Variants in SEMA4D observed in about 807,000 individuals in gnomAD.
SEMA4D encodes semaphorin 4D.
A neutral mutation model predicts 74.8 loss-of-function variants in SEMA4D; 22 were observed. The ratio of observed to expected loss-of-function variants is 0.29; its 90% CI spans 0.21 to 0.42. The LOEUF (loss-of-function observed/expected upper bound fraction) is 0.42. Among genes scored for constraint, SEMA4D ranks in the 10% least tolerant of loss-of-function variants. The pLI is 1.00. For missense variants in SEMA4D, 937 were observed against 1,118.4 expected, an observed-to-expected ratio of 0.84 and a Z score of 2.31; for synonymous variants, 445 against 463.7, an observed-to-expected ratio of 0.96 and a Z score of 0.52.
intron 2 of SEMA4D, among the ~76,000 whole-genome samples, chr9:89,447,808 G>A (rs909604708): frequency 2.7e-5 from 4 of 147,942 alleles, no homozygotes; most frequent in African/African-American, 7.5e-5. Flanking sequence ...AGTGCTCCCT[G>A]GACACCCAAG....
intron 6 of SEMA4D, among the ~76,000 whole-genome samples, chr9:89,395,057 A>G (rs904108266): frequency 6.6e-6 from 1 of 152,174 alleles, no homozygotes; most frequent in East Asian, 1.9e-4. Context: ...CACACTCCCA[A>G]TTGTGCAATC....
At chr9:89,448,460 C>A (rs1853519300) in intron 2 of SEMA4D, among the ~76,000 whole-genome samples, 1 of 152,220 alleles carries the variant, frequency 6.6e-6, no homozygotes, top group African/African-American at 2.4e-5. Flanking sequence ...AGGACCCACC[C>A]TCCCCTGGGC....
At chr9:89,399,213 G>T in intron 5 of SEMA4D, 63 bp downstream of exon 5, 2 of 1,382,838 alleles carry the variant, frequency 1.4e-6, no homozygotes, top group Non-Finnish European at 1.0e-6. Context: ...CTGGCATTCA[G>T]TAGATTAAAA....
chr9:89,420,925 C>T (rs1385973407), intron 2 of SEMA4D, among the ~76,000 whole-genome samples: 2 of 152,238 alleles, frequency 1.3e-5, no homozygotes, highest in Non-Finnish European at 1.5e-5. Flanking sequence ...GCTGTTTAAG[C>T]ACTGGGAGGC....
In SEMA4D at chr9:89,392,079, C is replaced by A. The variant is rs139976309; in HGVS notation, c.622+344G>T. Among the ~76,000 whole-genome samples the A allele has an allele frequency of 2.6e-5, 4 of 152,320 alleles. No individual in the cohort carries two copies. The East Asian group carries it at 7.7e-4, about 29-fold the overall frequency. On this transcript the variant is annotated intron_variant, in intron 8 of 15. Transcript: ENST00000422704. Reference sequence around the variant, plus strand: ...GGCAGGTCCCACACCAGTGTTGGTGCCACACTTTAATATCATTCTGGAAAT... The same window carrying A: ...GGCAGGTCCCACACCAGTGTTGGTGACACACTTTAATATCATTCTGGAAAT...
At chr9:89,487,158 T>C (rs1384056518) in intron 1 of SEMA4D, among the ~76,000 whole-genome samples, 1 of 149,158 alleles carries the variant, frequency 6.7e-6, no homozygotes, top group Non-Finnish European at 1.5e-5. Context: ...ATATATATAA[T>C]ATATAAAACA....
At chr9:89,418,436 G>A (rs1846168835) in intron 2 of SEMA4D, 1 of 985,234 alleles carries the variant, frequency 1.0e-6, no homozygotes, top group Non-Finnish European at 1.2e-6. Context: ...AGTTAGCAGA[G>A]TCTGTGAACC....
At chr9:89,444,517 G>C (rs1852383958) in intron 2 of SEMA4D, among the ~76,000 whole-genome samples, 1 of 152,172 alleles carries the variant, frequency 6.6e-6, no homozygotes, top group Non-Finnish European at 1.5e-5. Context: ...CAGTTTACAT[G>C]AGACCCTAAC....
chr9:89,369,343 T>A (rs1452445020), intron 16 of SEMA4D: 1 of 152,202 alleles, frequency 6.6e-6, no homozygotes, highest in Non-Finnish European at 1.5e-5. Flanking sequence ...AACACTGTAG[T>A]TAAAACATAA....
rs1277329307 is a variant in SEMA4D, at chr9:89,388,767, A to T, written c.976T>A (p.Cys326Ser). ...TCGGCTGTGGACAGGTTGTAGGCGCACACTGCCGACAGCCCCACGTTGTTC... is the reference window on the plus strand; with the variant it reads ...TCGGCTGTGGACAGGTTGTAGGCGCTCACTGCCGACAGCCCCACGTTGTTC... ...QLNNVGLSAV[C>S]AYNLSTAEEV... Residue 326 changes from cysteine (C) to serine (S), a missense_variant, in exon 11 of 16, where the codon TGC becomes AGC. Coordinates refer to ENST00000422704, the MANE Select transcript of SEMA4D (RefSeq NM_001371194.2). The T allele has an allele frequency of 1.2e-6, 2 of 1,607,240 alleles. No individual in the cohort carries two copies. Among genetic ancestry groups the T allele is most frequent in the African/African-American group, 2.7e-5 (2 of 74,754 alleles).
chr9:89,487,691 T>C (rs904985205), intron 1 of SEMA4D, among the ~76,000 whole-genome samples: 1 of 152,064 alleles, frequency 6.6e-6, no homozygotes, highest in Non-Finnish European at 1.5e-5. Context: ...AAACAAAAAA[T>C]AGAAAAAATC....
rs539881753 is a variant in SEMA4D at position 89,496,795 on chromosome 9, G to C, written c.-310+1124C>G. On this transcript the variant is annotated intron_variant, in intron 1 of 15. Coordinates refer to ENST00000422704, the MANE Select transcript of SEMA4D (RefSeq NM_001371194.2). ...GCCAGCAGGCAGGCCCCAGGCCTAG[G>C]ACACATATGAGGTGACAGGCCACTG... Among the ~76,000 whole-genome samples, 106 of 152,174 alleles carry C rather than the reference G, an allele frequency of 7.0e-4. 1 individual carries two copies. Among genetic ancestry groups the C allele is most frequent in the Admixed American group, 2.0e-4 (3 of 15,286 alleles).
chr9:89,362,468 G>A, intron 18 of SEMA4D: 1 of 1,613,986 alleles, frequency 6.2e-7, no homozygotes, highest in Non-Finnish European at 8.5e-7. Flanking sequence ...TGGTGGAACG[G>A]ATGGGCCTTT....
Position 89,379,752 on chromosome 9 carries a change from G to A in SEMA4D, c.1664-123C>T. The A allele has an allele frequency of 7.7e-6, 9 of 1,165,426 alleles. No homozygotes were observed. The South Asian group carries it at 1.4e-4, about 18-fold the overall frequency. The allele number at this position is 1,165,426 out of a possible 1,614,324, so 72.2% of individuals were successfully genotyped here. A position where few individuals can be genotyped will look rare whatever the true frequency, so the allele number is the denominator to read the frequency against. On this transcript the variant is annotated intron_variant, in intron 15 of 15. Transcript: ENST00000422704. ...CACTGTAGCAACATGGAATCTTCCA[G>A]AACAACTAAGGAGATAAAGACATGC...
In SEMA4D at chr9:89,455,877, C is replaced by T. The variant is rs1003506889; in HGVS notation, c.-244+11G>A. 1 of 152,252 alleles carries T rather than the reference C, an allele frequency of 6.6e-6. No homozygotes were observed. Among genetic ancestry groups the T allele is most frequent in the Non-Finnish European group, 1.5e-5 (1 of 68,040 alleles). The allele number at this position is 152,252 out of a possible 1,614,324, so 9.4% of individuals were successfully genotyped here. A position where few individuals can be genotyped will look rare whatever the true frequency, so the allele number is the denominator to read the frequency against. ...TGGCTCTCAGGCAGACGCCGAGACG[C>T]CGACACTTACCAAACCATCAGTGTC... On this transcript the variant is annotated intron_variant, in intron 2 of 15. Coordinates refer to ENST00000422704, the MANE Select transcript of SEMA4D (RefSeq NM_001371194.2).
intron 2 of SEMA4D, among the ~76,000 whole-genome samples, chr9:89,455,440 C>T (rs1855705668): frequency 1.3e-5 from 2 of 152,188 alleles, no homozygotes; most frequent in Non-Finnish European, 2.9e-5. Flanking sequence ...CCCGAAGACC[C>T]CTAGGGTCGG....
At chr9:89,477,431 T>C (rs1279862527) in intron 1 of SEMA4D, among the ~76,000 whole-genome samples, 3 of 152,140 alleles carry the variant, frequency 2.0e-5, no homozygotes, top group Admixed American at 2.0e-4. Flanking sequence ...AAGAGTAATG[T>C]ACACCAAGGA....
intron 1 of SEMA4D, among the ~76,000 whole-genome samples, chr9:89,491,326 T>C (rs1825605533): frequency 6.6e-6 from 1 of 152,018 alleles, no homozygotes; most frequent in Admixed American, 6.5e-5. Context: ...TCCCAGCACT[T>C]TGGGAGGCCG....
At position 89,362,503 on chromosome 9, in the gene SEMA4D, CAT is replaced by C. The variant is rs1242158490; in HGVS notation, c.2191-77_2191-76del. On this transcript the variant is annotated intron_variant, in intron 18 of 18. Transcript: ENST00000339861. ...TCCTGCTCTGCAGCCCAGTCTGTCT[CAT>C]AGCCCATCCCAGGCAGAGCACTCAA... 19 of 1,613,124 alleles carry C rather than the reference CAT, an allele frequency of 1.2e-5. No individual in the cohort carries two copies. In the African/African-American group the frequency reaches 1.9e-4, roughly 16 times the overall value.
Sources: allele counts gnomAD v4.1 joint callset (sites outside exome capture counted in the v4.1 genomes callset), GRCh38; gene constraint gnomAD v4.1.1; transcripts MANE v1.5; gene names NCBI Gene and HGNC (gene_info 2026-07-23, HGNC 2026-07-21).